The following YWHAZ variants were observed in gnomAD, a reference collection of about 807,000 sequenced individuals.
YWHAZ encodes 14-3-3 protein zeta/delta.
For synonymous variants in YWHAZ, 87 were observed against 103.6 expected, an observed-to-expected ratio of 0.84 and a Z score of 0.97; for missense variants, 79 against 284.8, an observed-to-expected ratio of 0.28 and a Z score of 5.20.
chr8:100,936,290 T>G (rs1814140792), intron 2 of YWHAZ, among the ~76,000 whole-genome samples: 1 of 152,244 alleles, frequency 6.6e-6, no homozygotes, highest in Non-Finnish European at 1.5e-5. Context: ...GTTTGTAACC[T>G]TTGACAAAGT....
intron 1 of YWHAZ, chr8:100,951,685 C>T (rs1181598690): frequency 8.1e-6 from 8 of 985,230 alleles, no homozygotes; most frequent in Non-Finnish European, 1.2e-6. Flanking sequence ...GACGGGGGAG[C>T]GAGCACCGAT....
At position 100,916,980 on chromosome 8, in the gene YWHAZ, G is replaced by A. The variant is rs1480775398; in HGVS notation, c.*3713C>T. ...TGTACATATTTTCAGTTCTACCATA[G>A]TATTTCCTATATGGTAAATGAGAGA... On this transcript the variant is annotated 3_prime_UTR_variant, in exon 6 of 6. Coordinates refer to ENST00000395958, the MANE Select transcript of YWHAZ (RefSeq NM_145690.3). 1 of 152,152 alleles carries A rather than the reference G, an allele frequency of 6.6e-6. No individual in the cohort carries two copies. The highest frequency in any genetic ancestry group is 2.4e-5 in the African/African-American group (1 of 41,414). 9.4% of individuals were successfully genotyped at this position (152,152 alleles called of 1,614,324 possible). A position where few individuals can be genotyped will look rare whatever the true frequency, so the allele number is the denominator to read the frequency against.
chr8:100,922,692 T>C lies in YWHAZ; in HGVS notation c.678+1263A>G, dbSNP rs1813112750. 1 of 152,220 alleles carries C rather than the reference T, an allele frequency of 6.6e-6. No individual in the cohort carries two copies. Among genetic ancestry groups the C allele is most frequent in the South Asian group, 2.1e-4 (1 of 4,826 alleles). The allele number at this position is 152,220 out of a possible 1,614,324, so 9.4% of individuals were successfully genotyped here. A position where few individuals can be genotyped will look rare whatever the true frequency, so the allele number is the denominator to read the frequency against. ...AGCCACCACGCCCGGCCAACCCTGG[T>C]TTTCTTATTGCAATATGCGCTCTTC... is the stretch of plus-strand genomic sequence containing the variant. On this transcript the variant is annotated intron_variant, in intron 5 of 5. Coordinates refer to ENST00000395958, the MANE Select transcript of YWHAZ (RefSeq NM_145690.3). The surrounding 1 kb of genome is among the most constrained non-coding windows in gnomAD (Gnocchi z 4.1).
At chr8:100,940,416 C>T (rs747273607) in intron 2 of YWHAZ, among the ~76,000 whole-genome samples, 11 of 152,134 alleles carry the variant, frequency 7.2e-5, no homozygotes, top group Non-Finnish European at 1.3e-4. Flanking sequence ...ACCAGCTTTT[C>T]TATGTTCAAT....
intron 2 of YWHAZ, among the ~76,000 whole-genome samples, chr8:100,930,548 G>C (rs1416775002): frequency 1.3e-5 from 2 of 152,160 alleles, no homozygotes; most frequent in East Asian, 3.8e-4. Context: ...CTAAATCAAG[G>C]CTAAATGTTA....
upstream of YWHAZ, chr8:100,952,031 G>C (rs1810830808): frequency 9.1e-6 from 9 of 993,506 alleles, no homozygotes; most frequent in Non-Finnish European, 1.1e-5. Flanking sequence ...CCTGGATCTC[G>C]CTGCTCACAG....
chr8:100,942,971 A>T (rs1415425997), intron 2 of YWHAZ, among the ~76,000 whole-genome samples: 1 of 152,352 alleles, frequency 6.6e-6, no homozygotes, highest in East Asian at 1.9e-4. Flanking sequence ...GGCAATGTGC[A>T]CTTTTCTGAG....
chr8:100,933,289 G>A (rs1273946454), intron 2 of YWHAZ, among the ~76,000 whole-genome samples: 3 of 151,830 alleles, frequency 2.0e-5, no homozygotes, highest in Non-Finnish European at 4.4e-5. Flanking sequence ...AACCTGGGAG[G>A]TGGATGTTGC....
chr8:100,933,333 T>C (rs1299587003), intron 2 of YWHAZ, among the ~76,000 whole-genome samples: 1 of 149,732 alleles, frequency 6.7e-6, no homozygotes, highest in Admixed American at 6.7e-5. Flanking sequence ...CACTCCAGCC[T>C]GGGTAACAGA....
In YWHAZ at chr8:100,919,769, T is replaced by C. The variant is rs956590334; in HGVS notation, c.*924A>G. On this transcript the variant is annotated 3_prime_UTR_variant, in exon 6 of 6. Transcript: ENST00000395958. ...GTGTTCTTAACAATTATGCTTGGAT[T>C]GTTCATGAAAATTTCATAAGACATT... 14 of 152,402 alleles carry C rather than the reference T, an allele frequency of 9.2e-5. No homozygotes were observed. The highest frequency in any genetic ancestry group is 2.9e-4 in the African/African-American group (12 of 41,384). The allele number at this position is 152,402 out of a possible 1,614,324, so 9.4% of individuals were successfully genotyped here. A position where few individuals can be genotyped will look rare whatever the true frequency, so the allele number is the denominator to read the frequency against.
intron 5 of YWHAZ, among the ~76,000 whole-genome samples, chr8:100,921,438 T>C (rs141424560): frequency 2.0e-5 from 3 of 152,212 alleles, no homozygotes; most frequent in African/African-American, 7.2e-5. Flanking sequence ...AGCATCTAAT[T>C]TGGCCCATGC....
chr8:100,930,375 G>A (rs985846314), intron 2 of YWHAZ, among the ~76,000 whole-genome samples: 1 of 152,218 alleles, frequency 6.6e-6, no homozygotes, highest in African/African-American at 2.4e-5. Context: ...GGGATTACAG[G>A]TGTGAGCCAC....
At chr8:100,951,475 G>A (rs1810774606) in intron 1 of YWHAZ, 6 of 943,906 alleles carry the variant, frequency 6.4e-6, no homozygotes, top group Non-Finnish European at 5.0e-6. Context: ...TGCGATGCCC[G>A]CCGCCGCCGC....
At chr8:100,951,532 G>A (rs967322326) in intron 1 of YWHAZ, 62 of 985,558 alleles carry the variant, frequency 6.3e-5, no homozygotes, top group South Asian at 1.4e-4. Flanking sequence ...GGCGAGGGAG[G>A]GGGTGGAAGC....
chr8:100,925,099 T>C, intron 2 of YWHAZ, 60 bp from the exon 3 acceptor site: 1 of 1,529,236 alleles, frequency 6.5e-7, no homozygotes, highest in Non-Finnish European at 8.8e-7. Context: ...TGAAAGAACT[T>C]GCATTTCTTA....
rs140857389 is a variant in YWHAZ, at chr8:100,936,472, A to G, written c.295-11433T>C. Among the ~76,000 whole-genome samples, 832 of 152,268 alleles carry G rather than the reference A, an allele frequency of 5.5e-3. 3 individuals are homozygous for G. The highest frequency in any genetic ancestry group is 0.014 in the African/African-American group (582 of 41,534). On this transcript the variant is annotated intron_variant, in intron 2 of 5. Transcript: ENST00000395958. ...AATGCAGTGAGGAGGACACCATATC[A>G]CTTCCAGGAGTTCTCACCAAAAACT...
In YWHAZ at chr8:100,924,106, A is replaced by C; in HGVS notation, c.582+29T>G. The C allele has an allele frequency of 6.2e-7, 1 of 1,608,384 alleles. No individual in the cohort carries two copies. Among genetic ancestry groups the C allele is most frequent in the Non-Finnish European group, 8.5e-7 (1 of 1,177,930 alleles). ...AGTGCTCAAATAATAAAGACTGCTA[A>C]ATTTCTACGTAACAGGTAAAATACA... On this transcript the variant is annotated intron_variant, in intron 4 of 5. Transcript: ENST00000395958. This position sits in a 1 kb window ranked among gnomAD's most constrained non-coding sequence, Gnocchi z 5.7.
intron 2 of YWHAZ, among the ~76,000 whole-genome samples, chr8:100,946,709 T>C (rs1810304663): frequency 6.6e-6 from 1 of 152,062 alleles, no homozygotes; most frequent in Non-Finnish European, 1.5e-5. Context: ...AAAAGGTAAA[T>C]GTTACATTCC....
At chr8:100,921,558 A>G (rs962552312) in intron 5 of YWHAZ, among the ~76,000 whole-genome samples, 6 of 152,224 alleles carry the variant, frequency 3.9e-5, no homozygotes, top group Admixed American at 2.0e-4. Context: ...ACTCTGAGCT[A>G]AACTACAAAT....
Sources: allele counts gnomAD v4.1 joint callset (sites outside exome capture counted in the v4.1 genomes callset), GRCh38; gene constraint gnomAD v4.1.1; non-coding constraint Gnocchi (gnomAD v3.1); transcripts MANE v1.5; gene names NCBI Gene and HGNC (gene_info 2026-07-23, HGNC 2026-07-21).